AGBL4: variants seen among roughly 807,000 people sequenced by gnomAD.
The protein encoded by AGBL4 is AGBL carboxypeptidase 4.
AGBL4 carries 58 observed loss-of-function variants against 66.4 expected under a neutral mutation model. That is an observed-to-expected ratio of 0.87 (90% CI 0.71 to 1.09). The LOEUF (loss-of-function observed/expected upper bound fraction) is 1.09, where lower values mean the gene tolerates loss of function less well. Among genes scored for constraint, AGBL4 ranks in the 50% least tolerant of loss-of-function variants. AGBL4 has a pLI of 0.00. For synonymous variants in AGBL4, 234 were observed against 222.9 expected, an observed-to-expected ratio of 1.05 and a Z score of -0.44; for missense variants, 579 against 631.0, an observed-to-expected ratio of 0.92 and a Z score of 0.88.
intron 6 of AGBL4, among the ~76,000 whole-genome samples, chr1:48,675,506 G>T (rs1646350654): frequency 6.6e-6 from 1 of 152,216 alleles, no homozygotes; most frequent in Non-Finnish European, 1.5e-5. Context: ...ATGTCAAAAA[G>T]ATATGAAATC....
At chr1:48,713,326 T>G (rs1646996691) in intron 6 of AGBL4, among the ~76,000 whole-genome samples, 1 of 150,984 alleles carries the variant, frequency 6.6e-6, no homozygotes. Flanking sequence ...ATGGGGAGGG[T>G]GGGAGAAGGG....
chr1:48,837,711 CTATA>C (rs58650623), intron 6 of AGBL4, among the ~76,000 whole-genome samples: 7,456 of 82,174 alleles, frequency 0.091, 932 homozygotes, highest in African/African-American at 0.29. Context: ...CACACACACA[CTATA>C]TATATATATA....
chr1:48,547,722 C>T (rs1007175873), intron 11 of AGBL4, among the ~76,000 whole-genome samples: 1 of 152,156 alleles, frequency 6.6e-6, no homozygotes, highest in African/African-American at 2.4e-5. Flanking sequence ...CCTCCCTGCT[C>T]TTAGGGTGTC....
At chr1:48,662,227 G>T (rs1032401237) in intron 7 of AGBL4, among the ~76,000 whole-genome samples, 5 of 152,222 alleles carry the variant, frequency 3.3e-5, no homozygotes, top group Non-Finnish European at 1.5e-5. Context: ...AGTGCCTGCT[G>T]TGTGCCAGGC....
At chr1:49,707,643 A>G (rs1647312411) in intron 2 of AGBL4, among the ~76,000 whole-genome samples, 1 of 152,018 alleles carries the variant, frequency 6.6e-6, no homozygotes, top group Non-Finnish European at 1.5e-5. Context: ...GTTTCTTCAT[A>G]GTGTCGATGG....
chr1:49,515,710 G>A (rs1649741395), intron 3 of AGBL4, among the ~76,000 whole-genome samples: 1 of 151,654 alleles, frequency 6.6e-6, no homozygotes, highest in Non-Finnish European at 1.5e-5. Context: ...ATGCAGCCAT[G>A]AAAAATGATG....
intron 6 of AGBL4, among the ~76,000 whole-genome samples, chr1:48,757,334 T>C (rs1643989817): frequency 6.6e-6 from 1 of 152,228 alleles, no homozygotes; most frequent in South Asian, 2.1e-4. Flanking sequence ...CTTTTACAAA[T>C]TTTTACATTT....
intron 3 of AGBL4, among the ~76,000 whole-genome samples, chr1:49,560,941 G>A (rs1006888210): frequency 4.6e-5 from 7 of 152,054 alleles, no homozygotes; most frequent in African/African-American, 9.7e-5. Context: ...CACCAGACCC[G>A]TCCTAAAGGA....
chr1:49,538,686 T>G (rs746843470), intron 3 of AGBL4, among the ~76,000 whole-genome samples: 2 of 152,246 alleles, frequency 1.3e-5, no homozygotes, highest in Non-Finnish European at 2.9e-5. Context: ...TAAACTTAGA[T>G]GCAAAAATAC....
chr1:48,525,858 A>T, the AGBL4 span, among the ~76,000 whole-genome samples: 1 of 151,906 alleles, frequency 6.6e-6, no homozygotes, highest in African/African-American at 2.4e-5. Flanking sequence ...TCCTGGGAAA[A>T]CTCCCTCTAG....
intron 6 of AGBL4, among the ~76,000 whole-genome samples, chr1:48,794,970 T>A (rs1645635940): frequency 6.6e-6 from 1 of 152,110 alleles, no homozygotes; most frequent in Non-Finnish European, 1.5e-5. Context: ...TAGTAAAGAG[T>A]ACTATCATCC....
chr1:48,690,796 G>A (rs1646617669), intron 6 of AGBL4, among the ~76,000 whole-genome samples: 1 of 152,132 alleles, frequency 6.6e-6, no homozygotes, highest in South Asian at 2.1e-4. Flanking sequence ...GTCACAAAAT[G>A]TACTAAGTGT....
At chr1:49,029,811 A>C (rs1664057364) in intron 5 of AGBL4, among the ~76,000 whole-genome samples, 1 of 152,220 alleles carries the variant, frequency 6.6e-6, no homozygotes, top group Admixed American at 6.5e-5. Flanking sequence ...ACAGTATTGT[A>C]CTGGCACAAG....
At chr1:49,966,973 A>T (rs1657616888) in intron 1 of AGBL4, among the ~76,000 whole-genome samples, 2 of 152,120 alleles carry the variant, frequency 1.3e-5, no homozygotes, top group Admixed American at 6.6e-5. Flanking sequence ...ATACGTGTGC[A>T]TGTGTCTTTA....
chr1:49,265,097 T>C (rs1428129971), intron 3 of AGBL4, among the ~76,000 whole-genome samples: 1 of 152,200 alleles, frequency 6.6e-6, no homozygotes, highest in Non-Finnish European at 1.5e-5. Context: ...GTAATTTCCA[T>C]ATCATTCATC....
At chr1:49,649,620 T>C (rs1476037086) in intron 3 of AGBL4, among the ~76,000 whole-genome samples, 2 of 152,084 alleles carry the variant, frequency 1.3e-5, no homozygotes, top group African/African-American at 4.8e-5. Context: ...TAATGGACCA[T>C]AAATCATTAT....
intron 4 of AGBL4, among the ~76,000 whole-genome samples, chr1:49,205,178 C>T (rs1648034626): frequency 6.6e-6 from 1 of 152,094 alleles, no homozygotes; most frequent in Non-Finnish European, 1.5e-5. Context: ...AATTTCATTT[C>T]TTATTGATTC....
chr1:49,083,569 G>A (rs1116166), intron 4 of AGBL4, among the ~76,000 whole-genome samples: 56 of 152,192 alleles, frequency 3.7e-4, no homozygotes, highest in African/African-American at 1.4e-3. Context: ...TAAGAGCGGG[G>A]GGCCCTGGGC....
At chr1:48,943,604 C>T (rs2148918227) in intron 5 of AGBL4, among the ~76,000 whole-genome samples, 1 of 152,320 alleles carries the variant, frequency 6.6e-6, no homozygotes, top group South Asian at 2.1e-4. Context: ...ACAAAAGCTA[C>T]AAAGATGAGT....
Sources: gnomAD v4.1 joint callset for allele counts (sites outside exome capture counted in the v4.1 genomes callset) on GRCh38, gnomAD v4.1.1 for gene constraint, MANE v1.5 for transcripts, NCBI Gene and HGNC (gene_info 2026-07-23, HGNC 2026-07-21) for gene names.